Variants in AGBL1 observed in about 807,000 individuals in gnomAD.
AGBL1 encodes cytosolic carboxypeptidase 4.
AGBL1 carries 130 observed loss-of-function variants against 118.9 expected under a neutral mutation model. That is an observed-to-expected ratio of 1.09 (90% confidence interval 0.95 to 1.26). The LOEUF is 1.26. AGBL1 is among the 50% of genes most tolerant of loss of function. The pLI is 0.00. For missense variants in AGBL1, 1,584 were observed against 1,298.1 expected (o/e 1.22, Z -3.38); for synonymous variants, 555 against 478.9 (o/e 1.16, Z -2.08).
chr15:86,471,169 A>G (rs1376132088), intron 18 of AGBL1, among the ~76,000 whole-genome samples: 1 of 152,178 alleles, frequency 6.6e-6, no homozygotes, highest in African/African-American at 2.4e-5. Flanking sequence ...ATTGACATAA[A>G]TGGCCTTTTA....
intron 5 of AGBL1, among the ~76,000 whole-genome samples, chr15:86,207,957 A>G (rs2078022730): frequency 6.6e-6 from 1 of 152,204 alleles, no homozygotes; most frequent in African/African-American, 2.4e-5. Flanking sequence ...GGTTTGTCAT[A>G]AACAGCTCTG....
chr15:86,836,203 G>C (rs1345266698), intron 22 of AGBL1, among the ~76,000 whole-genome samples: 2 of 152,138 alleles, frequency 1.3e-5, no homozygotes, highest in East Asian at 3.9e-4. Flanking sequence ...TAAAATATTG[G>C]AGATTATGCT....
At chr15:86,993,572 G>T (rs2081352586) in intron 24 of AGBL1, among the ~76,000 whole-genome samples, 1 of 152,154 alleles carries the variant, frequency 6.6e-6, no homozygotes, top group Non-Finnish European at 1.5e-5. Flanking sequence ...GGTGGGGTTG[G>T]TGTTCTTCTC....
At chr15:86,624,162 C>G (rs1404679589) in intron 21 of AGBL1, among the ~76,000 whole-genome samples, 1 of 152,190 alleles carries the variant, frequency 6.6e-6, no homozygotes, top group Non-Finnish European at 1.5e-5. Context: ...TGTCCTATGT[C>G]AGAGCATGCC....
intron 22 of AGBL1, among the ~76,000 whole-genome samples, chr15:86,753,246 C>T (rs916816627): frequency 6.6e-6 from 1 of 152,010 alleles, no homozygotes; most frequent in Non-Finnish European, 1.5e-5. Flanking sequence ...AATCTCCATT[C>T]TTGCTGTGTT....
chr15:86,463,291 T>C (rs1433167275), intron 18 of AGBL1, among the ~76,000 whole-genome samples: 2 of 151,828 alleles, frequency 1.3e-5, no homozygotes, highest in Non-Finnish European at 2.9e-5. Context: ...GTTGTTTGTT[T>C]TTTTTTTTTG....
At chr15:86,808,513 A>T (rs1233785102) in intron 22 of AGBL1, among the ~76,000 whole-genome samples, 1 of 152,158 alleles carries the variant, frequency 6.6e-6, no homozygotes, top group Non-Finnish European at 1.5e-5. Flanking sequence ...CTAAGATGAA[A>T]AACTGATTTT....
intron 7 of AGBL1, among the ~76,000 whole-genome samples, chr15:86,248,719 T>C (rs954084835): frequency 6.6e-6 from 1 of 152,166 alleles, no homozygotes; most frequent in Non-Finnish European, 1.5e-5. Flanking sequence ...CTTGATCCTA[T>C]AGGGAAAACC....
chr15:86,959,435 C>T (rs968723150), intron 23 of AGBL1, among the ~76,000 whole-genome samples: 2 of 152,048 alleles, frequency 1.3e-5, no homozygotes, highest in South Asian at 4.1e-4. Context: ...CTGGTTTGAC[C>T]AGAAGTGGTT....
intron 23 of AGBL1, among the ~76,000 whole-genome samples, chr15:86,948,564 T>C (rs77912566): frequency 6.6e-6 from 1 of 152,222 alleles, no homozygotes; most frequent in Non-Finnish European, 1.5e-5. Flanking sequence ...CCTGGTCACT[T>C]TGTACACTTA....
chr15:86,478,027 A>T (rs1013786346), intron 18 of AGBL1, among the ~76,000 whole-genome samples: 6 of 152,216 alleles, frequency 3.9e-5, no homozygotes, highest in Non-Finnish European at 7.3e-5. Flanking sequence ...GACAAAATTC[A>T]ACAGCCCTTC....
intron 22 of AGBL1, among the ~76,000 whole-genome samples, chr15:86,816,409 A>T (rs2078859012): frequency 6.6e-6 from 1 of 152,334 alleles, no homozygotes; most frequent in African/African-American, 2.4e-5. Context: ...AGATTCTTTA[A>T]TGCCATTGTG....
At chr15:86,953,946 A>C (rs1317843337) in intron 23 of AGBL1, among the ~76,000 whole-genome samples, 1 of 152,132 alleles carries the variant, frequency 6.6e-6, no homozygotes, top group Non-Finnish European at 1.5e-5. Context: ...TGGCTAAAAA[A>C]AGAAGATGGA....
At chr15:86,678,538 G>A (rs1178135680) in intron 22 of AGBL1, among the ~76,000 whole-genome samples, 1 of 151,740 alleles carries the variant, frequency 6.6e-6, no homozygotes, top group Non-Finnish European at 1.5e-5. Context: ...TGTGTTAAAG[G>A]TACTCAACTT....
intron 15 of AGBL1, among the ~76,000 whole-genome samples, chr15:86,278,554 G>A (rs149635559): frequency 1.0e-3 from 152 of 152,242 alleles, no homozygotes; most frequent in Middle Eastern, 6.8e-3. Flanking sequence ...TAGCAAAAAG[G>A]TAGAAAAGAA....
At chr15:86,612,222 G>C (rs1477546841) in intron 21 of AGBL1, among the ~76,000 whole-genome samples, 1 of 152,082 alleles carries the variant, frequency 6.6e-6, no homozygotes, top group Non-Finnish European at 1.5e-5. Context: ...ACCTCCATGA[G>C]TCTTTGAATA....
rs182677223 is a variant in AGBL1, at chr15:86,924,988, G to C, written c.3222-62999G>C. On this transcript the variant is annotated intron_variant, in intron 23 of 24. Transcript: ENST00000441037. ...ATGGTGGTGGGCACCTGTAGTCCCA[G>C]CTAATCGGGAGGCTGAGAAAGGAGA... 4.9e-4 allele frequency among the ~76,000 whole-genome samples: 75 copies of C among 151,960 alleles called. No homozygotes were observed. In the East Asian group the frequency reaches 0.014, roughly 28 times the overall value.
At chr15:86,120,223 C>T (rs1272698443) in intron 1 of AGBL1, among the ~76,000 whole-genome samples, 5 of 152,062 alleles carry the variant, frequency 3.3e-5, no homozygotes, top group Admixed American at 1.3e-4. Context: ...GTTCTTTTGC[C>T]TTTTTTACTT....
chr15:86,198,538 C>T (rs1251268357), intron 5 of AGBL1, among the ~76,000 whole-genome samples: 1 of 152,088 alleles, frequency 6.6e-6, no homozygotes, highest in Non-Finnish European at 1.5e-5. Flanking sequence ...TATGTTGATG[C>T]CCTAATCCCC....
Sources: allele counts gnomAD v4.1 joint callset (sites outside exome capture counted in the v4.1 genomes callset), GRCh38; gene constraint gnomAD v4.1.1; transcripts MANE v1.5; gene names NCBI Gene and HGNC (gene_info 2026-07-23, HGNC 2026-07-21).